EPC2: variants seen among roughly 807,000 people sequenced by gnomAD.
EPC2 encodes enhancer of polycomb 2.
EPC2 carries 14 observed loss-of-function variants against 92.1 expected under a neutral mutation model. The ratio of observed to expected loss-of-function variants is 0.15; its 90% confidence interval spans 0.10 to 0.24. The LOEUF (loss-of-function observed/expected upper bound fraction) is 0.24, where lower values mean the gene tolerates loss of function less well. EPC2 is among the 10% of genes least tolerant of loss of function. The probability of loss-of-function intolerance (pLI) is 1.00; values close to 1 mark genes in which losing one functional copy is unlikely to be tolerated. For synonymous variants in EPC2, 340 were observed against 334.7 expected (o/e 1.02, Z -0.17); for missense variants, 755 against 971.5 (o/e 0.78, Z 2.96).
At chr2:148,684,676 C>T (rs987166401) in intron 1 of EPC2, among the ~76,000 whole-genome samples, 5 of 152,230 alleles carry the variant, frequency 3.3e-5, no homozygotes, top group African/African-American at 1.2e-4. Context: ...TTGCCTCAAA[C>T]TTTCCTCTAC....
intron 2 of EPC2, among the ~76,000 whole-genome samples, chr2:148,729,420 G>A (rs945909150): frequency 2.0e-5 from 3 of 152,018 alleles, no homozygotes; most frequent in South Asian, 2.1e-4. Flanking sequence ...TCCAGTTTTA[G>A]TTTCCTTTAA....
chr2:148,690,718 A>G (rs1681628051), intron 2 of EPC2, among the ~76,000 whole-genome samples: 1 of 151,842 alleles, frequency 6.6e-6, no homozygotes, highest in South Asian at 2.1e-4. Flanking sequence ...GCTGGAGTGC[A>G]GTGGCATGAT....
At chr2:148,762,855 GTTA>G (rs1683329855) in intron 6 of EPC2, 53 bp downstream of exon 6, 1 of 1,522,346 alleles carries the variant, frequency 6.6e-7, no homozygotes, top group Non-Finnish European at 8.8e-7. Flanking sequence ...GATCAGAGGA[GTTA>G]TTGATTTCTG....
At chr2:148,687,056 A>G (rs1329017016) in intron 1 of EPC2, among the ~76,000 whole-genome samples, 2 of 152,192 alleles carry the variant, frequency 1.3e-5, no homozygotes, top group East Asian at 1.9e-4. Context: ...TTGAAAATCT[A>G]TTATTCAGTG....
intron 2 of EPC2, among the ~76,000 whole-genome samples, chr2:148,733,170 T>C (rs1002481405): frequency 6.6e-6 from 1 of 151,894 alleles, no homozygotes; most frequent in Non-Finnish European, 1.5e-5. Context: ...TCACATAAGA[T>C]TGTTTTCTCT....
chr2:148,767,210 A>T (rs956590214), intron 7 of EPC2, among the ~76,000 whole-genome samples: 2 of 152,016 alleles, frequency 1.3e-5, no homozygotes, highest in African/African-American at 2.4e-5. Flanking sequence ...AAAAAAAAAA[A>T]AAAAATGAAT....
chr2:148,648,823 G>C (rs1208526079), intron 1 of EPC2, among the ~76,000 whole-genome samples: 1 of 152,200 alleles, frequency 6.6e-6, no homozygotes, highest in African/African-American at 2.4e-5. Context: ...TGGTAACATT[G>C]TATCATTGAT....
intron 2 of EPC2, 100 bp from the exon 3 acceptor site, chr2:148,743,522 A>C: frequency 3.0e-4 from 225 of 744,536 alleles, no homozygotes; most frequent in Non-Finnish European, 4.3e-4. Context: ...CCCTTTAGTC[A>C]GTGCACTGTA....
intron 1 of EPC2, among the ~76,000 whole-genome samples, chr2:148,679,707 G>A (rs1681354259): frequency 6.6e-6 from 1 of 152,134 alleles, no homozygotes; most frequent in African/African-American, 2.4e-5. Flanking sequence ...GTGCCGTGTT[G>A]CAGTCACAGC....
At chr2:148,734,241 G>A (rs1220868711) in intron 2 of EPC2, among the ~76,000 whole-genome samples, 1 of 151,646 alleles carries the variant, frequency 6.6e-6, no homozygotes, top group African/African-American at 2.4e-5. Context: ...AAGCCCTAGT[G>A]ACTTTAAGTT....
chr2:148,666,484 C>T (rs560078778), intron 1 of EPC2, among the ~76,000 whole-genome samples: 1 of 152,198 alleles, frequency 6.6e-6, no homozygotes, highest in South Asian at 2.1e-4. Flanking sequence ...TATTGCATAC[C>T]GATACTTTTG....
At chr2:148,719,548 C>T (rs1170561339) in intron 2 of EPC2, among the ~76,000 whole-genome samples, 1 of 152,204 alleles carries the variant, frequency 6.6e-6, no homozygotes, top group African/African-American at 2.4e-5. Context: ...CTTCCTGTAC[C>T]TGGAGGTATC....
intron 2 of EPC2, among the ~76,000 whole-genome samples, chr2:148,737,474 G>GT (rs1159521361): frequency 1.3e-5 from 2 of 152,124 alleles, no homozygotes; most frequent in African/African-American, 4.8e-5. Context: ...AGATGGAGGA[G>GT]TGGGATGGCT....
chr2:148,768,497 T>C (rs1014249917), intron 7 of EPC2, among the ~76,000 whole-genome samples: 1 of 152,232 alleles, frequency 6.6e-6, no homozygotes, highest in African/African-American at 2.4e-5. Flanking sequence ...TGAAAGTCTT[T>C]ATTCTTTTGC....
intron 1 of EPC2, among the ~76,000 whole-genome samples, chr2:148,646,292 C>T (rs529190500): frequency 4.6e-5 from 7 of 152,262 alleles, no homozygotes; most frequent in African/African-American, 7.2e-5. Context: ...TTTATGCCTT[C>T]GATTGGCTGG....
At chr2:148,781,544 C>A in intron 10 of EPC2, 100 bp from the exon 11 acceptor site, 2 of 1,110,284 alleles carry the variant, frequency 1.8e-6, no homozygotes, top group Non-Finnish European at 1.2e-6. Context: ...TTTGTAATTG[C>A]TTTCATCTTA....
intron 4 of EPC2, among the ~76,000 whole-genome samples, chr2:148,757,823 G>A (rs977193244): frequency 6.6e-6 from 1 of 151,484 alleles, no homozygotes; most frequent in Non-Finnish European, 1.5e-5. Flanking sequence ...CAACAAGAGT[G>A]AAACTCTATC....
At chr2:148,663,643 G>GAA (rs142814816) in intron 1 of EPC2, among the ~76,000 whole-genome samples, 1,738 of 105,588 alleles carry the variant, frequency 0.016, 43 homozygotes, top group African/African-American at 0.061. Context: ...TCTTACCACT[G>GAA]AAGCCTGGAT....
chr2:148,726,625 A>T (rs544757360), intron 2 of EPC2, among the ~76,000 whole-genome samples: 1 of 151,728 alleles, frequency 6.6e-6, no homozygotes, highest in South Asian at 2.1e-4. Flanking sequence ...TTGTTTTTTA[A>T]TACTTAAAGA....
Sources: gnomAD v4.1 joint callset for allele counts (sites outside exome capture counted in the v4.1 genomes callset) on GRCh38, gnomAD v4.1.1 for gene constraint, MANE v1.5 for transcripts, NCBI Gene and HGNC (gene_info 2026-07-23, HGNC 2026-07-21) for gene names.